NCOR1: variants seen among roughly 807,000 people sequenced by gnomAD.
NCOR1 encodes protein phosphatase 1, regulatory subunit 109.
In NCOR1, 63 loss-of-function variants were observed where a neutral mutation model predicts 288.1. The ratio of observed to expected loss-of-function variants is 0.22; its 90% CI spans 0.18 to 0.27. The LOEUF is 0.27. Ranked by LOEUF, NCOR1 falls within the 10% of genes least tolerant of loss-of-function variation. The pLI is 1.00. For missense variants in NCOR1, 2,397 were observed against 3,019.2 expected (o/e 0.79, Z 4.83); for synonymous variants, 1,007 against 1,065.9 (o/e 0.94, Z 1.08).
Position 16,162,343 on chromosome 17 carries a change from A to G in NCOR1, c.618+2636T>C, listed in dbSNP as rs117095995. Among the ~76,000 whole-genome samples the G allele has an allele frequency of 5.5e-3, 843 of 152,236 alleles. 5 individuals carry two copies. The highest frequency in any genetic ancestry group is 0.016 in the African/African-American group (659 of 41,586). On this transcript the variant is annotated intron_variant, in intron 5 of 45. Transcript: ENST00000268712. ...AGATGTTACAACTAACAGGAATTTCATAAGTAGAACAAGAAACTGTTAGAA... is the reference window on the plus strand; with the variant it reads ...AGATGTTACAACTAACAGGAATTTCGTAAGTAGAACAAGAAACTGTTAGAA...
At chr17:16,150,850 A>C (rs1298130278) in intron 8 of NCOR1, among the ~76,000 whole-genome samples, 1 of 152,222 alleles carries the variant, frequency 6.6e-6, no homozygotes, top group Non-Finnish European at 1.5e-5. Context: ...TCTCAAGATC[A>C]TAGTAGCATC....
At chr17:16,117,782 G>A (rs1405876514) in intron 18 of NCOR1, 106 bp downstream of exon 18, 19 of 1,231,998 alleles carry the variant, frequency 1.5e-5, no homozygotes, top group Non-Finnish European at 2.0e-5. Context: ...AGATTGCACT[G>A]CTGCACTCTA....
intron 6 of NCOR1, among the ~76,000 whole-genome samples, chr17:16,158,210 G>C (rs903658690): frequency 4.6e-5 from 7 of 152,160 alleles, no homozygotes; most frequent in Non-Finnish European, 1.0e-4. Flanking sequence ...CTGACCTCAA[G>C]TGATCTACCC....
At chr17:16,132,874 G>A (rs566068577) in intron 14 of NCOR1, among the ~76,000 whole-genome samples, 13 of 139,180 alleles carry the variant, frequency 9.3e-5, no homozygotes, top group Non-Finnish European at 1.8e-4. Context: ...GGCTTTTCTT[G>A]CTTTCCTTCC....
intron 44 of NCOR1, 131 bp downstream of exon 44, chr17:16,039,302 G>A (rs747496023): frequency 8.2e-6 from 7 of 858,418 alleles, no homozygotes; most frequent in African/African-American, 1.7e-5. Context: ...TTTAAGTAAC[G>A]GAAACCCTAA....
Position 16,101,640 on chromosome 17 carries a change from A to G in NCOR1, c.2300T>C (p.Leu767Ser), listed in dbSNP as rs1249654177. 1.9e-6 allele frequency: 3 copies of G among 1,614,024 alleles called. No homozygotes were observed. The highest frequency in any genetic ancestry group is 1.3e-5 in the African/African-American group (1 of 74,904). The part of the protein sequence containing the change: ...TETAPSTSPS[L>S]AVPSTKPAED... ...AGCTGGTTTTGTACTTGGAACTGCT[A>G]AGGAGGGAGATGTACTGGGTGCAGT... is the stretch of plus-strand genomic sequence containing the variant. Residue 767 changes from leucine (L) to serine (S), a missense_variant, in exon 20 of 46, where the codon TTA becomes TCA. Around this residue, in one of 11 missense-constraint regions of NCOR1, gnomAD observed 1,872 missense variants for 2,187.8 expected, o/e 0.86. Transcript: ENST00000268712.
chr17:16,058,204 G>GAAA, intron 38 of NCOR1, 140 bp from the exon 39 acceptor site: 1 of 966,172 alleles, frequency 1.0e-6, no homozygotes, highest in Non-Finnish European at 1.4e-6. Context: ...TAATTTTGGA[G>GAAA]AAAAAAAAAA....
In NCOR1 at chr17:16,092,652, TATATATATA is replaced by T. The variant is rs1567955997; in HGVS notation, c.2821-603_2821-595del. ...TCACCAGGGATCAGATCCATTTATA[TATATATATA>T]TATATATATATATATATATATATAT... is the stretch of plus-strand genomic sequence containing the variant. On this transcript the variant is annotated intron_variant, in intron 21 of 45. Transcript: ENST00000268712. Among the ~76,000 whole-genome samples, 15 of 11,166 alleles carry T rather than the reference TATATATATA, an allele frequency of 1.3e-3. 1 individual carries two copies. In the Admixed American group the frequency reaches 0.015, roughly 11 times the overall value. 7.3% of individuals were successfully genotyped at this position (11,166 alleles called of 152,430 possible).
chr17:16,087,236 T>G (rs1410744595), intron 22 of NCOR1: 1 of 1,304,286 alleles, frequency 7.7e-7, no homozygotes, highest in Admixed American at 2.3e-5. Flanking sequence ...TGACTTCTCT[T>G]GGAGAAAGCC....
Position 16,092,014 on chromosome 17 carries a change from G to A in NCOR1, c.2865C>T (p.Ser955=), listed in dbSNP as rs375288132. The change falls in exon 22 of 46, where the codon AGC becomes AGT. Residue 955 remains serine (S), a synonymous_variant. Coordinates refer to ENST00000268712, the MANE Select transcript of NCOR1 (RefSeq NM_006311.4). ...PCNIPIGTPV[S]GYALYQRHIK... ...TGTGTCGCTGGTAGAGAGCATAGCC[G>A]CTCACTGGGGTTCCAATTGGTATGT... 1.7e-5 allele frequency: 27 copies of A among 1,613,972 alleles called. No homozygotes were observed. The highest frequency in any genetic ancestry group is 6.7e-5 in the African/African-American group (5 of 74,908).
At chr17:16,114,156 A>AC (rs61059609) in intron 18 of NCOR1, among the ~76,000 whole-genome samples, 10,335 of 147,360 alleles carry the variant, frequency 0.07, 1,440 homozygotes, top group African/African-American at 0.17. Flanking sequence ...AAAAAAAAAA[A>AC]AAAAAAAAAA....
chr17:16,101,677 G>T lies in NCOR1; in HGVS notation c.2263C>A (p.Pro755Thr), dbSNP rs2067652200. Residue 755 changes from proline to threonine, a missense_variant, in exon 20 of 46, where the codon CCC becomes ACC. Physicochemically the swap from Pro to Thr is conservative, Grantham distance 38 (BLOSUM62 -1). Around this residue, in one of 11 missense-constraint regions of NCOR1, gnomAD observed 1,872 missense variants for 2,187.8 expected, o/e 0.86. Transcript: ENST00000268712. ...GNTEPAVELE[P>T]TTETAPSTSP... ...GTACTGGGTGCAGTTTCCGTGGTGGGCTCAAGCTCAACCGCAGGTTCTGTG... is the reference window on the plus strand; with the variant it reads ...GTACTGGGTGCAGTTTCCGTGGTGGTCTCAAGCTCAACCGCAGGTTCTGTG... 1.2e-6 allele frequency: 2 copies of T among 1,614,094 alleles called. No individual in the cohort carries two copies. The highest frequency in any genetic ancestry group is 1.7e-6 in the Non-Finnish European group (2 of 1,180,056).
At chr17:16,156,930 T>C (rs1280094019) in intron 6 of NCOR1, among the ~76,000 whole-genome samples, 4 of 152,060 alleles carry the variant, frequency 2.6e-5, no homozygotes, top group Admixed American at 2.6e-4. Context: ...TTAATAATTA[T>C]TACCAAATCC....
chr17:16,211,568 G>C (rs557020676), intron 1 of NCOR1, among the ~76,000 whole-genome samples: 3 of 152,134 alleles, frequency 2.0e-5, no homozygotes, highest in Non-Finnish European at 4.4e-5. Context: ...TGTTGTTTTT[G>C]AGATCGCTGT....
At chr17:16,057,076 C>G (rs1035837636) in intron 40 of NCOR1, 2 of 155,758 alleles carry the variant, frequency 1.3e-5, no homozygotes, top group African/African-American at 4.8e-5. Context: ...TCAAGCAATC[C>G]TCCTACCTCA....
chr17:16,064,317 T>C, intron 34 of NCOR1, 130 bp from the exon 35 acceptor site: 1 of 1,263,074 alleles, frequency 7.9e-7, no homozygotes, highest in Middle Eastern at 2.9e-4. Context: ...AAGTTTGTTT[T>C]GGCTGGGTGC....
chr17:16,068,388 A>T (rs1012376322), intron 31 of NCOR1: 1 of 380,680 alleles, frequency 2.6e-6, no homozygotes, highest in Non-Finnish European at 4.8e-6. Context: ...AACATTAAAA[A>T]TAAAATTCAA....
intron 21 of NCOR1, 106 bp from the exon 22 acceptor site, chr17:16,092,164 A>C: frequency 7.6e-7 from 1 of 1,321,862 alleles, no homozygotes; most frequent in Non-Finnish European, 1.0e-6. Flanking sequence ...GGTTGAATTG[A>C]TTTTATCATT....
At chr17:16,057,124 A>G in intron 40 of NCOR1, 1 of 190,132 alleles carries the variant, frequency 5.3e-6, no homozygotes, top group Non-Finnish European at 1.1e-5. Context: ...ATAAGCCACT[A>G]TGTCTGGCCA....
Sources: gnomAD v4.1 joint callset for allele counts (sites outside exome capture counted in the v4.1 genomes callset) on GRCh38, gnomAD v4.1.1 for gene constraint, gnomAD v4.1.1 regional missense constraint, MANE v1.5 for transcripts, NCBI Gene and HGNC (gene_info 2026-07-23, HGNC 2026-07-21) for gene names.